The following DISP1 variants were observed in gnomAD, a reference collection of about 807,000 sequenced individuals.
The protein encoded by DISP1 is protein dispatched homolog 1.
In DISP1, 30 loss-of-function variants were observed where a neutral mutation model predicts 37.3. The ratio of observed to expected loss-of-function variants is 0.80; its 90% confidence interval spans 0.60 to 1.09. The LOEUF (loss-of-function observed/expected upper bound fraction) is 1.09, where lower values mean the gene tolerates loss of function less well. Among genes scored for constraint, DISP1 ranks in the 50% least tolerant of loss-of-function variants. The probability of loss-of-function intolerance (pLI) is 0.00; values close to 1 mark genes in which losing one functional copy is unlikely to be tolerated. For missense variants in DISP1, 1,598 were observed against 1,879.5 expected, an observed-to-expected ratio of 0.85 and a Z score of 2.77; for synonymous variants, 634 against 690.2, an observed-to-expected ratio of 0.92 and a Z score of 1.28.
chr1:222,914,166 T>A (rs1672366008), intron 1 of DISP1, among the ~76,000 whole-genome samples: 2 of 152,122 alleles, frequency 1.3e-5, no homozygotes, highest in Non-Finnish European at 2.9e-5. Context: ...AGAAACTTTG[T>A]CAAAATAAAA....
intron 1 of DISP1, among the ~76,000 whole-genome samples, chr1:222,885,100 T>G (rs1670513571): frequency 6.6e-6 from 1 of 152,170 alleles, no homozygotes. Context: ...AGTGCTGGGA[T>G]TACAGGGGTG....
chr1:222,945,487 T>TA (rs560896350), intron 3 of DISP1, among the ~76,000 whole-genome samples: 310 of 152,320 alleles, frequency 2.0e-3, no homozygotes, highest in African/African-American at 6.9e-3. Context: ...TACCTCCTCT[T>TA]AAAAAATTAC....
At chr1:222,965,312 A>C (rs1357653203) in intron 3 of DISP1, among the ~76,000 whole-genome samples, 3 of 152,188 alleles carry the variant, frequency 2.0e-5, no homozygotes, top group Non-Finnish European at 4.4e-5. Flanking sequence ...AATATATGTC[A>C]AGTGCTTAGG....
At chr1:222,853,161 G>T (rs1042150114) in intron 1 of DISP1, among the ~76,000 whole-genome samples, 6 of 152,194 alleles carry the variant, frequency 3.9e-5, no homozygotes, top group African/African-American at 1.2e-4. Context: ...GGCAGGCCAT[G>T]ATTTTTGGCT....
In DISP1 at chr1:223,003,788, C is replaced by G; in HGVS notation, c.2391C>G (p.Asp797Glu). The change falls in exon 9 of 9, where the codon GAC becomes GAG. Residue 797 changes from aspartate to glutamate, a missense_variant. Transcript: ENST00000675850. The surrounding 1 kb of genome is among the most constrained non-coding windows in gnomAD (Gnocchi z 4.3). ...TAATCTGGGGCGTGTCCCCAGAAGA[C>G]AATGGCAACCCACTAAATCCCAAGA... ...ITVIWGVSPE[D>E]NGNPLNPKSK... 6.2e-7 allele frequency: 1 copy of G among 1,614,198 alleles called. No homozygotes were observed. The highest frequency in any genetic ancestry group is 8.5e-7 in the Non-Finnish European group (1 of 1,180,042).
At chr1:222,914,756 T>C (rs1215282403) in intron 1 of DISP1, among the ~76,000 whole-genome samples, 1 of 152,120 alleles carries the variant, frequency 6.6e-6, no homozygotes, top group Non-Finnish European at 1.5e-5. Context: ...CCCAAGAAGT[T>C]CGAGACCAGC....
chr1:222,852,333 TG>T (rs1668310958), intron 1 of DISP1, among the ~76,000 whole-genome samples: 1 of 152,044 alleles, frequency 6.6e-6, no homozygotes, highest in Non-Finnish European at 1.5e-5. Context: ...AGTTGTTTTT[TG>T]TTTGTTTGTT....
At chr1:222,880,571 T>C (rs1342947235) in intron 1 of DISP1, among the ~76,000 whole-genome samples, 1 of 152,246 alleles carries the variant, frequency 6.6e-6, no homozygotes, top group African/African-American at 2.4e-5. Flanking sequence ...GAATGCAGCC[T>C]GCACAGGCCT....
chr1:222,877,244 C>G (rs1018343521), intron 1 of DISP1, among the ~76,000 whole-genome samples: 2 of 152,008 alleles, frequency 1.3e-5, no homozygotes, highest in African/African-American at 4.8e-5. Context: ...AAAGATATAC[C>G]CGAGAGTGGG....
At chr1:222,961,704 T>C (rs550311724) in intron 3 of DISP1, among the ~76,000 whole-genome samples, 2 of 152,186 alleles carry the variant, frequency 1.3e-5, no homozygotes, top group Non-Finnish European at 2.9e-5. Context: ...AATATGATTT[T>C]ATATTTAGAA....
In DISP1 at chr1:223,005,983, A is replaced by G. The variant is rs1185942931; in HGVS notation, c.*11A>G. On this transcript the variant is annotated 3_prime_UTR_variant, in exon 9 of 9. Coordinates refer to ENST00000675850, the MANE Select transcript of DISP1 (RefSeq NM_001377229.1). ...ATAAAAACACTATAATAAATGCAGC[A>G]TTCAATTCAGAACCAGTGCCTCAAT... 1 of 1,603,728 alleles carries G rather than the reference A, an allele frequency of 6.2e-7. No homozygotes were observed. Among genetic ancestry groups the G allele is most frequent in the South Asian group, 1.1e-5 (1 of 90,562 alleles).
chr1:222,868,201 A>G (rs1330814098), intron 1 of DISP1, among the ~76,000 whole-genome samples: 1 of 151,922 alleles, frequency 6.6e-6, no homozygotes, highest in Non-Finnish European at 1.5e-5. Context: ...TGGGCAACAT[A>G]GCGAGACCCT....
At chr1:222,819,593 G>A (rs924175486) in intron 1 of DISP1, among the ~76,000 whole-genome samples, 8 of 144,008 alleles carry the variant, frequency 5.6e-5, no homozygotes, top group Non-Finnish European at 9.0e-5. Flanking sequence ...AGGCTGGAGT[G>A]CAGTGGCACG....
intron 2 of DISP1, among the ~76,000 whole-genome samples, chr1:222,937,796 C>CTTTTTTTTTTTTTTTTTTTTTTTT (rs10714424): frequency 3.5e-5 from 2 of 56,502 alleles, no homozygotes; most frequent in African/African-American, 8.4e-5. Context: ...AATAGCTTGC[C>CTTTTTTTTTTTTTTTTTTTTTTTT]TTTTTTTTTT....
At chr1:222,832,821 G>A (rs951050326) in intron 1 of DISP1, among the ~76,000 whole-genome samples, 21 of 151,188 alleles carry the variant, frequency 1.4e-4, no homozygotes, top group African/African-American at 4.2e-4. Flanking sequence ...ACTTGAACCC[G>A]GGAGGTGGAA....
chr1:222,924,128 A>G (rs927551297), intron 1 of DISP1, among the ~76,000 whole-genome samples: 3 of 152,206 alleles, frequency 2.0e-5, no homozygotes, highest in African/African-American at 7.2e-5. Flanking sequence ...TATATAAGAC[A>G]GATGTACATA....
Position 223,005,192 on chromosome 1 carries a change from C to T in DISP1, c.3795C>T (p.Phe1265=), listed in dbSNP as rs1423209222. The change falls in exon 9 of 9, where the codon TTC becomes TTT. Residue 1265 remains phenylalanine (F), a synonymous_variant. Transcript: ENST00000675850. The part of the protein sequence containing the change: ...PLEQHTVCHF[F]SLNQRCSCPD... ...AACAGCATACCGTGTGTCACTTCTT[C>T]TCTCTGAATCAGAGATGTAGCTGCC... 5 of 1,614,048 alleles carry T rather than the reference C, an allele frequency of 3.1e-6. No individual in the cohort carries two copies. The highest frequency in any genetic ancestry group is 4.2e-6 in the Non-Finnish European group (5 of 1,180,020).
At chr1:222,917,573 T>C (rs1047099690) in intron 1 of DISP1, among the ~76,000 whole-genome samples, 6 of 152,234 alleles carry the variant, frequency 3.9e-5, no homozygotes, top group African/African-American at 1.4e-4. Flanking sequence ...CTTTTCTGTT[T>C]GGAATTTGGT....
At chr1:222,908,957 C>T (rs921988853) in intron 1 of DISP1, among the ~76,000 whole-genome samples, 8 of 151,454 alleles carry the variant, frequency 5.3e-5, no homozygotes, top group Admixed American at 2.0e-4. Context: ...TATCCTGGTA[C>T]GGTTTGGGAT....
Sources: allele counts gnomAD v4.1 joint callset (sites outside exome capture counted in the v4.1 genomes callset), GRCh38; gene constraint gnomAD v4.1.1; non-coding constraint Gnocchi (gnomAD v3.1); transcripts MANE v1.5; gene names NCBI Gene and HGNC (gene_info 2026-07-23, HGNC 2026-07-21).